Variants in STRBP observed in about 807,000 individuals in gnomAD.
The protein encoded by STRBP is spermatid perinuclear RNA binding protein.
STRBP carries 13 observed loss-of-function variants against 80.1 expected under a neutral mutation model. The ratio of observed to expected loss-of-function variants is 0.16; its 90% CI spans 0.11 to 0.26. The LOEUF (loss-of-function observed/expected upper bound fraction) is 0.26, where lower values mean the gene tolerates loss of function less well. Ranked by LOEUF, STRBP falls within the 10% of genes least tolerant of loss-of-function variation. The probability of loss-of-function intolerance (pLI) is 1.00; values close to 1 mark genes in which losing one functional copy is unlikely to be tolerated. For synonymous variants in STRBP, 284 were observed against 291.2 expected (o/e 0.98, Z 0.25); for missense variants, 485 against 815.2 (o/e 0.59, Z 4.93).
intron 9 of STRBP, 60 bp downstream of exon 9, chr9:123,159,036 G>GA: frequency 7.2e-7 from 1 of 1,387,042 alleles, no homozygotes; most frequent in East Asian, 2.3e-5. Flanking sequence ...CATATATTTA[G>GA]AAAAATAAAC....
chr9:123,180,396 T>C (rs184131304), intron 3 of STRBP, among the ~76,000 whole-genome samples: 28 of 152,326 alleles, frequency 1.8e-4, no homozygotes, highest in Admixed American at 9.8e-4. Flanking sequence ...GCAAGGCCTT[T>C]AATTTTTTAA....
chr9:123,140,004 C>G (rs1274800203), intron 13 of STRBP, among the ~76,000 whole-genome samples: 1 of 152,118 alleles, frequency 6.6e-6, no homozygotes, highest in Non-Finnish European at 1.5e-5. Context: ...TAGCTAGGTT[C>G]AAACCAATAG....
At chr9:123,147,575 GGCTGAGGTTGAA>G (rs1218725092) in intron 12 of STRBP, among the ~76,000 whole-genome samples, 191 bp downstream of exon 12, 5 of 151,542 alleles carry the variant, frequency 3.3e-5, no homozygotes, top group Non-Finnish European at 7.4e-5. Context: ...TATTTGAGAA[GGCTGAGGTTGAA>G]GGATCACTTG....
intron 3 of STRBP, 123 bp from the exon 4 acceptor site, chr9:123,179,350 T>C (rs538389536): frequency 6.3e-5 from 51 of 812,408 alleles, no homozygotes; most frequent in African/African-American, 4.7e-4. Context: ...CAGTTAATAC[T>C]GAAACAAGAA....
intron 2 of STRBP, among the ~76,000 whole-genome samples, chr9:123,216,156 C>T (rs932281659): frequency 6.6e-6 from 1 of 152,166 alleles, no homozygotes; most frequent in Non-Finnish European, 1.5e-5. Context: ...TTGACCTGTA[C>T]CGCTACCCCC....
At chr9:123,238,866 C>T (rs924936270) in intron 1 of STRBP, among the ~76,000 whole-genome samples, 1 of 151,910 alleles carries the variant, frequency 6.6e-6, no homozygotes, top group African/African-American at 2.4e-5. Context: ...AAAAGAGACA[C>T]CCCCCCACAA....
chr9:123,118,733 G>C (rs183669551), downstream of STRBP, among the ~76,000 whole-genome samples: 1 of 152,148 alleles, frequency 6.6e-6, no homozygotes, highest in Non-Finnish European at 1.5e-5. Context: ...CCTTGTCTAC[G>C]TAACGCAGTT....
intron 2 of STRBP, among the ~76,000 whole-genome samples, chr9:123,202,648 C>T (rs2039367952): frequency 6.6e-6 from 1 of 152,080 alleles, no homozygotes; most frequent in African/African-American, 2.4e-5. Flanking sequence ...TTCTTTCCTT[C>T]ATCAGTTAAC....
Position 123,218,530 on chromosome 9 carries a change from C to T in STRBP, c.-165+18300G>A, listed in dbSNP as rs917577816. Among the ~76,000 whole-genome samples, 7 of 150,760 alleles carry T rather than the reference C, an allele frequency of 4.6e-5. 1 individual carries two copies. The highest frequency in any genetic ancestry group is 1.5e-4 in the African/African-American group (6 of 41,088). ...GACTACAGGCGCCCGCCACCGCGCC[C>T]GGCTAATTTTTTGTATTTTTAGTAG... On this transcript the variant is annotated intron_variant, in intron 2 of 18. Coordinates refer to ENST00000348403, the MANE Select transcript of STRBP (RefSeq NM_018387.5).
chr9:123,251,979 T>C (rs562358074), intron 1 of STRBP, among the ~76,000 whole-genome samples: 2 of 152,206 alleles, frequency 1.3e-5, no homozygotes, highest in South Asian at 2.1e-4. Context: ...CTGAAAGGGA[T>C]TGCTATAAGG....
chr9:123,236,034 C>A (rs969921432), intron 2 of STRBP, among the ~76,000 whole-genome samples: 3 of 152,142 alleles, frequency 2.0e-5, no homozygotes, highest in Non-Finnish European at 4.4e-5. Flanking sequence ...TTAACATGCA[C>A]TAGCAAGAAC....
intron 6 of STRBP, 29 bp downstream of exon 6, chr9:123,169,873 C>CAT (rs59261791): frequency 0.33 from 312,600 of 951,792 alleles, 13,523 homozygotes; most frequent in Non-Finnish European, 0.35. Context: ...CAAATATATA[C>CAT]ATATATATAT....
intron 2 of STRBP, among the ~76,000 whole-genome samples, chr9:123,233,227 C>T (rs1016112830): frequency 1.3e-5 from 2 of 152,124 alleles, no homozygotes; most frequent in African/African-American, 4.8e-5. Context: ...CGCATACCAC[C>T]ACATCTGGCT....
chr9:123,161,124 T>C (rs2037507023), intron 6 of STRBP, 56 bp from the exon 7 acceptor site: 4 of 1,211,742 alleles, frequency 3.3e-6, no homozygotes, highest in Non-Finnish European at 4.7e-6. Flanking sequence ...GCGATTCCTA[T>C]CAAATTATCA....
chr9:123,184,258 C>T lies in STRBP; in HGVS notation c.-124G>A. The stretch of plus-strand genomic sequence containing the variant: ...CCTGAGTCCCCTGACAGCTCAGCGT[C>T]AATATAGCAAATGTCTGAAGGCTTG... On this transcript the variant is annotated 5_prime_UTR_variant, in exon 3 of 19. Transcript: ENST00000348403. The T allele has an allele frequency of 1.2e-6, 1 of 849,160 alleles. No homozygotes were observed. The highest frequency in any genetic ancestry group is 1.8e-6 in the Non-Finnish European group (1 of 550,536). 52.6% of individuals were successfully genotyped at this position (849,160 alleles called of 1,614,324 possible).
chr9:123,190,203 C>G (rs2038870826), intron 2 of STRBP, among the ~76,000 whole-genome samples: 1 of 151,916 alleles, frequency 6.6e-6, no homozygotes, highest in Admixed American at 6.6e-5. Flanking sequence ...TCACTTGAAC[C>G]CAGGAGGCAG....
intron 2 of STRBP, among the ~76,000 whole-genome samples, chr9:123,225,260 A>G (rs2040198638): frequency 6.6e-6 from 1 of 152,244 alleles, no homozygotes; most frequent in Non-Finnish European, 1.5e-5. Flanking sequence ...AAGAAAATTC[A>G]TCAAGCTATA....
chr9:123,177,824 A>G (rs1169277316), intron 4 of STRBP, among the ~76,000 whole-genome samples: 2 of 152,262 alleles, frequency 1.3e-5, no homozygotes, highest in Non-Finnish European at 2.9e-5. Context: ...AATTTTTAAC[A>G]TGACATAAAC....
At chr9:123,216,203 A>C (rs1055149402) in intron 2 of STRBP, among the ~76,000 whole-genome samples, 1 of 152,186 alleles carries the variant, frequency 6.6e-6, no homozygotes, top group Non-Finnish European at 1.5e-5. Context: ...TGAATGAAGA[A>C]GACCTCCCAT....
Sources: gnomAD v4.1 joint callset for allele counts (sites outside exome capture counted in the v4.1 genomes callset) on GRCh38, gnomAD v4.1.1 for gene constraint, MANE v1.5 for transcripts, NCBI Gene and HGNC (gene_info 2026-07-23, HGNC 2026-07-21) for gene names.